IRAK1BP1: variants seen among roughly 807,000 people sequenced by gnomAD.
IRAK1BP1 encodes the protein interleukin 1 receptor associated kinase 1 binding protein 1.
In IRAK1BP1, 24 loss-of-function variants were observed where a neutral mutation model predicts 28.0. That is an observed-to-expected ratio of 0.86 (90% CI 0.62 to 1.20). The LOEUF is 1.20. Ranked by LOEUF, IRAK1BP1 falls within the 50% of genes most tolerant of loss-of-function variation. The probability of loss-of-function intolerance (pLI) is 0.00; values close to 1 mark genes in which losing one functional copy is unlikely to be tolerated. For synonymous variants in IRAK1BP1, 131 were observed against 116.3 expected, an observed-to-expected ratio of 1.13 and a Z score of -0.81; for missense variants, 336 against 316.7, an observed-to-expected ratio of 1.06 and a Z score of -0.46.
chr6:78,943,530 T>C (rs1490719878), intron 4 of IRAK1BP1, among the ~76,000 whole-genome samples: 1 of 152,196 alleles, frequency 6.6e-6, no homozygotes. Context: ...GCAAAGCATT[T>C]TGGTTATTCA....
chr6:78,895,813 C>G (rs1408847084), intron 2 of IRAK1BP1, among the ~76,000 whole-genome samples: 1 of 152,102 alleles, frequency 6.6e-6, no homozygotes, highest in East Asian at 1.9e-4. Flanking sequence ...TGCTTTGTGC[C>G]TACGATCAGG....
chr6:78,949,177 T>A (rs1182712283), downstream of IRAK1BP1, among the ~76,000 whole-genome samples: 1 of 152,130 alleles, frequency 6.6e-6, no homozygotes, highest in African/African-American at 2.4e-5. Context: ...TGTTCCCGGT[T>A]TTCTTAGGGG....
chr6:78,968,954 T>C, the IRAK1BP1 span, among the ~76,000 whole-genome samples: 1 of 152,228 alleles, frequency 6.6e-6, no homozygotes, highest in African/African-American at 2.4e-5. Flanking sequence ...CTGAGGCTTC[T>C]ACTGAATATT....
the IRAK1BP1 span, chr6:78,970,736 A>C: frequency 1.1e-5 from 14 of 1,253,768 alleles, no homozygotes; most frequent in Non-Finnish European, 1.6e-5. Flanking sequence ...TCCAAATTCC[A>C]TAATTGTATT....
At chr6:78,957,332 A>G in the IRAK1BP1 span, 1 of 152,010 alleles carries the variant, frequency 6.6e-6, no homozygotes, top group Non-Finnish European at 1.5e-5. Context: ...AAGAGTCTTC[A>G]GAGGATAATG....
chr6:78,888,618 A>G (rs1771513524), intron 2 of IRAK1BP1, among the ~76,000 whole-genome samples: 2 of 151,672 alleles, frequency 1.3e-5, no homozygotes, highest in South Asian at 2.1e-4. Context: ...CCCAGGTTCA[A>G]GTGATTCTCC....
At chr6:78,978,766 C>G in the IRAK1BP1 span, 1 of 1,357,654 alleles carries the variant, frequency 7.4e-7, no homozygotes, top group South Asian at 1.3e-5. Context: ...CATTAATCCA[C>G]AAATCTACTC....
At chr6:78,870,516 T>C (rs1053849748) in intron 1 of IRAK1BP1, among the ~76,000 whole-genome samples, 4 of 152,070 alleles carry the variant, frequency 2.6e-5, no homozygotes, top group Non-Finnish European at 5.9e-5. Flanking sequence ...GAATGAATAA[T>C]AGAAAAAAAA....
chr6:78,946,899 C>A, downstream of IRAK1BP1: 2 of 1,501,486 alleles, frequency 1.3e-6, no homozygotes, highest in South Asian at 2.6e-5. Flanking sequence ...AAAAAGTGTT[C>A]AACCATTCCT....
downstream of IRAK1BP1, chr6:78,947,735 G>A: frequency 6.2e-7 from 1 of 1,607,276 alleles, no homozygotes; most frequent in Non-Finnish European, 8.5e-7. Context: ...TTCTCTAACG[G>A]TAGCAAAATC....
At chr6:78,889,234 C>T (rs908152024) in intron 2 of IRAK1BP1, among the ~76,000 whole-genome samples, 1 of 151,782 alleles carries the variant, frequency 6.6e-6, no homozygotes, top group Non-Finnish European at 1.5e-5. Flanking sequence ...TTCCACCTGC[C>T]ATGCTGCTTC....
At chr6:78,918,578 T>TAAA (rs58669467) in intron 4 of IRAK1BP1, among the ~76,000 whole-genome samples, 1,790 of 66,750 alleles carry the variant, frequency 0.027, 82 homozygotes, top group East Asian at 0.068. Context: ...CCAAAAACAG[T>TAAA]AAAAAAAAAA....
chr6:78,955,577 A>G, the IRAK1BP1 span: 1 of 706,744 alleles, frequency 1.4e-6, no homozygotes, highest in Non-Finnish European at 2.5e-6. Flanking sequence ...TATATAGAGA[A>G]TATCAATATG....
chr6:78,956,750 G>A, the IRAK1BP1 span: 2 of 152,058 alleles, frequency 1.3e-5, no homozygotes, highest in South Asian at 4.1e-4. Flanking sequence ...TGTATACAAT[G>A]TCTTAACAGA....
At chr6:78,934,127 G>A (rs1448598543) in intron 4 of IRAK1BP1, among the ~76,000 whole-genome samples, 1 of 152,138 alleles carries the variant, frequency 6.6e-6, no homozygotes, top group Non-Finnish European at 1.5e-5. Context: ...AAGAGGGAGA[G>A]GGGGGAATGG....
intron 1 of IRAK1BP1, among the ~76,000 whole-genome samples, chr6:78,877,485 C>G (rs1022357924): frequency 1.3e-5 from 2 of 152,162 alleles, no homozygotes; most frequent in South Asian, 2.1e-4. Flanking sequence ...CACACACTTC[C>G]CTTTAAAAAC....
exon 5 of IRAK1BP1, chr6:78,945,541 C>A (rs1299828436): frequency 2.5e-6 from 3 of 1,210,642 alleles, no homozygotes; most frequent in African/African-American, 1.5e-5. Context: ...GTTATTGAAC[C>A]TAAAGATAAG....
downstream of IRAK1BP1, among the ~76,000 whole-genome samples, chr6:78,903,704 TAGGC>T (rs1772181927): frequency 2.6e-5 from 4 of 151,674 alleles, no homozygotes; most frequent in African/African-American, 9.7e-5. Context: ...TACCATGTGA[TAGGC>T]AGGGGTCAGG....
In IRAK1BP1 at chr6:78,921,481, A is replaced by G. The variant is rs188489217; in HGVS notation, c.*67+18371A>G. On this transcript the variant is annotated intron_variant and NMD_transcript_variant, in intron 4 of 4. Coordinates refer to the IRAK1BP1 transcript ENST00000606868. ...CTCAAGGAGGCCTGCCTGCCTCTGTAGACTCCACCTCTAGGGGCAGGGCAT... is the reference window on the plus strand; with the variant it reads ...CTCAAGGAGGCCTGCCTGCCTCTGTGGACTCCACCTCTAGGGGCAGGGCAT... Among the ~76,000 whole-genome samples, 476 of 152,344 alleles carry G rather than the reference A, an allele frequency of 3.1e-3. 3 individuals are homozygous for G. Among genetic ancestry groups the G allele is most frequent in the African/African-American group, 0.011 (442 of 41,582 alleles).
Sources: gnomAD v4.1 joint callset for allele counts (sites outside exome capture counted in the v4.1 genomes callset) on GRCh38, gnomAD v4.1.1 for gene constraint, MANE v1.5 for transcripts, NCBI Gene and HGNC (gene_info 2026-07-23, HGNC 2026-07-21) for gene names.